The following ABTB2 variants were observed in gnomAD, a reference collection of about 807,000 sequenced individuals.
ABTB2 encodes the protein ankyrin repeat and BTB domain containing 2, also known as ankyrin repeat and BTB/POZ domain-containing protein 2.
ABTB2 carries 56 observed loss-of-function variants against 104.1 expected under a neutral mutation model. The observed-to-expected ratio is 0.54, with a 90% CI of 0.43 to 0.67. The LOEUF is 0.67. ABTB2 is among the 30% of genes least tolerant of loss of function. ABTB2 has a pLI of 0.00. For synonymous variants in ABTB2, 606 were observed against 608.2 expected, an observed-to-expected ratio of 1.00 and a Z score of 0.05; for missense variants, 1,279 against 1,407.7, an observed-to-expected ratio of 0.91 and a Z score of 1.46.
Position 34,154,382 on chromosome 11 carries a change from G to C in ABTB2, c.2767-4C>G, listed in dbSNP as rs745536623. 1 of 1,607,044 alleles carries C rather than the reference G, an allele frequency of 6.2e-7. No homozygotes were observed. The highest frequency in any genetic ancestry group is 8.5e-7 in the Non-Finnish European group (1 of 1,175,516). ...ACAGGCTGGCAGCTGACAGCAGCTG[G>C]TAGGGAGGCAGAGCAGGTCTTGGGG... On this transcript the variant is annotated splice_region_variant and splice_polypyrimidine_tract_variant and intron_variant, in intron 15 of 16. Coordinates refer to ENST00000435224, the MANE Select transcript of ABTB2 (RefSeq NM_145804.3). The surrounding 1 kb of genome is among the most constrained non-coding windows in gnomAD (Gnocchi z 4.9).
chr11:34,308,218 T>C (rs1854802007), intron 1 of ABTB2, among the ~76,000 whole-genome samples: 1 of 152,192 alleles, frequency 6.6e-6, no homozygotes, highest in African/African-American at 2.4e-5. Flanking sequence ...GCAATGGATG[T>C]TTGTGATTAT....
At chr11:34,201,651 A>G (rs1177818776) in intron 2 of ABTB2, among the ~76,000 whole-genome samples, 1 of 152,204 alleles carries the variant, frequency 6.6e-6, no homozygotes, top group Non-Finnish European at 1.5e-5. Context: ...AAGTATCACT[A>G]GCCTCATTAA....
chr11:34,190,270 C>CG (rs1236389462), intron 3 of ABTB2, among the ~76,000 whole-genome samples: 1 of 92,880 alleles, frequency 1.1e-5, no homozygotes, highest in Admixed American at 1.3e-4. Flanking sequence ...CCGCTGCCCC[C>CG]CCAAAAAAAA....
At chr11:34,233,443 T>C (rs1286243600) in intron 1 of ABTB2, among the ~76,000 whole-genome samples, 1 of 151,612 alleles carries the variant, frequency 6.6e-6, no homozygotes, top group Non-Finnish European at 1.5e-5. Context: ...GTTAAACTCC[T>C]GGGCTCAAGC....
At chr11:34,277,929 C>T (rs1035239606) in intron 1 of ABTB2, among the ~76,000 whole-genome samples, 2 of 150,902 alleles carry the variant, frequency 1.3e-5, no homozygotes, top group East Asian at 4.0e-4. Context: ...CTCAGCCTCC[C>T]AAGTAGCTGG....
At chr11:34,166,681 C>G (rs1852804964) in intron 7 of ABTB2, among the ~76,000 whole-genome samples, 1 of 152,210 alleles carries the variant, frequency 6.6e-6, no homozygotes, top group East Asian at 1.9e-4. Context: ...GTGGCTGGAG[C>G]CCCTGCTGGC....
At chr11:34,322,057 A>G (rs1855011707) in intron 1 of ABTB2, among the ~76,000 whole-genome samples, 1 of 152,200 alleles carries the variant, frequency 6.6e-6, no homozygotes, top group African/African-American at 2.4e-5. Flanking sequence ...CTGGGAAATA[A>G]CCTGACAGTA....
At chr11:34,315,967 A>C (rs1381191812) in intron 1 of ABTB2, among the ~76,000 whole-genome samples, 1 of 152,214 alleles carries the variant, frequency 6.6e-6, no homozygotes, top group Non-Finnish European at 1.5e-5. Flanking sequence ...TCATCGTCAA[A>C]CTGCTGATTA....
At chr11:34,257,309 G>A (rs371416013) in intron 1 of ABTB2, among the ~76,000 whole-genome samples, 47 of 152,158 alleles carry the variant, frequency 3.1e-4, no homozygotes, top group African/African-American at 1.0e-3. Flanking sequence ...AAGAAAAAGC[G>A]ACTGCAGCAT....
intron 1 of ABTB2, among the ~76,000 whole-genome samples, chr11:34,330,090 G>A (rs1272456335): frequency 1.3e-5 from 2 of 152,166 alleles, no homozygotes; most frequent in African/African-American, 2.4e-5. Flanking sequence ...CTTGGGTAAC[G>A]ACAAAGCACT....
chr11:34,162,672 G>C lies in ABTB2; in HGVS notation c.2122C>G (p.Arg708Gly). Residue 708 changes from arginine to glycine, a missense_variant, in exon 10 of 17, where the codon CGG becomes GGG. By Grantham distance (125) the Arg-to-Gly change is moderately radical. Coordinates refer to ENST00000435224, the MANE Select transcript of ABTB2 (RefSeq NM_145804.3). The stretch of plus-strand genomic sequence containing the variant: ...GCCTTGGTGCGGGTCCGGCTCAGCC[G>C]CACGGGCCCCTCGCTGCCACTGCCC... ...SQGSGSEGPV[R>G]LSRTRTKALQ... 6.2e-7 allele frequency: 1 copy of C among 1,613,144 alleles called. No homozygotes were observed. Among genetic ancestry groups the C allele is most frequent in the South Asian group, 1.1e-5 (1 of 91,080 alleles).
intron 1 of ABTB2, among the ~76,000 whole-genome samples, chr11:34,242,850 C>G (rs961156656): frequency 4.2e-4 from 64 of 152,284 alleles, no homozygotes; most frequent in Admixed American, 3.3e-4. Flanking sequence ...TCTTCATTTT[C>G]CAGAACAGGG....
chr11:34,294,992 G>A (rs1347790057), intron 1 of ABTB2, among the ~76,000 whole-genome samples: 1 of 151,120 alleles, frequency 6.6e-6, no homozygotes, highest in Non-Finnish European at 1.5e-5. Context: ...GGGATTACAG[G>A]CATGAGCCAC....
intron 1 of ABTB2, among the ~76,000 whole-genome samples, chr11:34,338,891 A>T (rs1469992767): frequency 1.3e-5 from 2 of 152,314 alleles, no homozygotes; most frequent in East Asian, 3.9e-4. Context: ...TATCAACAGT[A>T]GCAACAGTGG....
At chr11:34,231,371 A>T (rs61234306) in intron 1 of ABTB2, among the ~76,000 whole-genome samples, 4,383 of 152,258 alleles carry the variant, frequency 0.029, 200 homozygotes, top group African/African-American at 0.094. Flanking sequence ...ACCCTCCCCC[A>T]GGAGGTAGAG....
intron 1 of ABTB2, among the ~76,000 whole-genome samples, chr11:34,297,880 T>C (rs2133096895): frequency 6.6e-6 from 1 of 151,814 alleles, no homozygotes; most frequent in Admixed American, 6.6e-5. Context: ...GATTACGCCA[T>C]GAAAGCTCCT....
At chr11:34,316,101 C>T (rs780772848) in intron 1 of ABTB2, among the ~76,000 whole-genome samples, 7 of 152,182 alleles carry the variant, frequency 4.6e-5, no homozygotes, top group Admixed American at 1.3e-4. Flanking sequence ...CTAAAAATGC[C>T]GATGTTCCTC....
Position 34,252,502 on chromosome 11 carries a change from A to G in ABTB2, c.884-47812T>C, listed in dbSNP as rs1854068437. Among the ~76,000 whole-genome samples the G allele has an allele frequency of 6.6e-6, 1 of 152,124 alleles. No homozygotes were observed. The highest frequency in any genetic ancestry group is 1.5e-5 in the Non-Finnish European group (1 of 68,010). On this transcript the variant is annotated intron_variant, in intron 1 of 16. Transcript: ENST00000435224. The surrounding 1 kb of genome is among the most constrained non-coding windows in gnomAD (Gnocchi z 5.5). ...TGGGCATGACCCTAAGAGAAAGACT[A>G]GATTCCTAACCTGTGCTAGGGCATC...
At chr11:34,218,797 G>C (rs1853578970) in intron 1 of ABTB2, among the ~76,000 whole-genome samples, 1 of 119,458 alleles carries the variant, frequency 8.4e-6, no homozygotes, top group Non-Finnish European at 1.6e-5. Flanking sequence ...TGTGAGCCAA[G>C]ATTGCACCAT....
Sources: allele counts gnomAD v4.1 joint callset (sites outside exome capture counted in the v4.1 genomes callset), GRCh38; gene constraint gnomAD v4.1.1; non-coding constraint Gnocchi (gnomAD v3.1); transcripts MANE v1.5; gene names NCBI Gene and HGNC (gene_info 2026-07-23, HGNC 2026-07-21).